The following SLC18A1 variants were observed in gnomAD, a reference collection of about 807,000 sequenced individuals.
SLC18A1 encodes chromaffin granule amine transporter.
A neutral mutation model predicts 53.7 loss-of-function variants in SLC18A1; 69 were observed. That is an observed-to-expected ratio of 1.28 (90% CI 1.06 to 1.57). SLC18A1 has a LOEUF of 1.57. Ranked by LOEUF, SLC18A1 falls within the 40% of genes most tolerant of loss-of-function variation. SLC18A1 has a pLI of 0.00. For synonymous variants in SLC18A1, 320 were observed against 248.1 expected, an observed-to-expected ratio of 1.29 and a Z score of -2.72; for missense variants, 932 against 668.1, an observed-to-expected ratio of 1.40 and a Z score of -4.35.
chr8:20,180,377 A>T (rs1158359950), intron 2 of SLC18A1, among the ~76,000 whole-genome samples: 1 of 152,240 alleles, frequency 6.6e-6, no homozygotes, highest in East Asian at 1.9e-4. Context: ...ATCAACTAAA[A>T]AAAGCAGGAT....
chr8:20,145,470 C>A lies in SLC18A1; in HGVS notation c.*293G>T. ...TACCACCTCTATGCAATGAGTCACC[C>A]CTTGCAGAACCCGTCACAGCTCAAG... On this transcript the variant is annotated 3_prime_UTR_variant, in exon 16 of 16. Transcript: ENST00000276373. The A allele has an allele frequency of 4.0e-6, 1 of 248,092 alleles. No homozygotes were observed. 15.4% of individuals were successfully genotyped at this position (248,092 alleles called of 1,614,324 possible). A position where few individuals can be genotyped will look rare whatever the true frequency, so the allele number is the denominator to read the frequency against.
chr8:20,172,044 C>G (rs1450929475), intron 6 of SLC18A1, among the ~76,000 whole-genome samples: 1 of 152,216 alleles, frequency 6.6e-6, no homozygotes, highest in African/African-American at 2.4e-5. Flanking sequence ...GCCTTGCGGC[C>G]TATGGAGAAA....
At chr8:20,160,535 T>C (rs184857277) in intron 10 of SLC18A1, among the ~76,000 whole-genome samples, 1 of 152,188 alleles carries the variant, frequency 6.6e-6, no homozygotes, top group African/African-American at 2.4e-5. Context: ...ACTATCAAAA[T>C]GGTTTAAAGT....
intron 10 of SLC18A1, among the ~76,000 whole-genome samples, chr8:20,163,896 G>A (rs1314505375): frequency 6.6e-6 from 1 of 152,146 alleles, no homozygotes; most frequent in Non-Finnish European, 1.5e-5. Context: ...GCTGCTCTGT[G>A]TTGTAGCTGC....
intron 10 of SLC18A1, among the ~76,000 whole-genome samples, chr8:20,164,149 G>A (rs1211205282): frequency 1.3e-5 from 2 of 152,162 alleles, no homozygotes; most frequent in South Asian, 4.2e-4. Context: ...CTCTGGCCCC[G>A]TAAGCCTCTC....
At chr8:20,154,600 A>G (rs1294209567) in intron 10 of SLC18A1, among the ~76,000 whole-genome samples, 1 of 152,360 alleles carries the variant, frequency 6.6e-6, no homozygotes, top group African/African-American at 2.4e-5. Context: ...CACAGAAAAC[A>G]TCTGGGTCTC....
intron 8 of SLC18A1, among the ~76,000 whole-genome samples, chr8:20,167,485 C>T (rs922443069): frequency 6.6e-5 from 10 of 152,036 alleles, no homozygotes; most frequent in Admixed American, 2.0e-4. Context: ...GGAAAAATCC[C>T]GTGGAGTTGG....
intron 12 of SLC18A1, 149 bp from the exon 13 acceptor site, chr8:20,148,219 AAAG>A: frequency 1.4e-6 from 1 of 735,530 alleles, no homozygotes; most frequent in Non-Finnish European, 2.3e-6. Flanking sequence ...TTCTCATGGA[AAAG>A]AATCTATACC....
Position 20,174,380 on chromosome 8 carries a change from A to G in SLC18A1, c.612T>C (p.Ser204=). 6.2e-7 allele frequency: 1 copy of G among 1,613,872 alleles called. No homozygotes were observed. The change falls in exon 5 of 16, where the codon TCT becomes TCC. Residue 204 remains serine, a synonymous_variant. Transcript: ENST00000276373. ...TGTTACCTGCAACAGATGAAAATGA[A>G]GATCCAATGCCTTGAAGGGTTCGGG... is the stretch of plus-strand genomic sequence containing the variant. The part of the protein sequence containing the change: ...FVARTLQGIG[S]SFSSVAGLGM...
At position 20,178,456 on chromosome 8, in the gene SLC18A1, TAAC is replaced by T; in HGVS notation, c.523_525del (p.Val175del). 7 of 1,607,248 alleles carry T rather than the reference TAAC, an allele frequency of 4.4e-6. No individual in the cohort carries two copies. The highest frequency in any genetic ancestry group is 5.9e-6 in the Non-Finnish European group (7 of 1,177,278). On this transcript the variant is annotated inframe_deletion, in exon 4 of 16. Coordinates refer to ENST00000276373, the MANE Select transcript of SLC18A1 (RefSeq NM_003053.4). ...TTACTAACTGTGGAGAGAAACATGA[TAAC>T]AAAGCCAGCAAACATGGGGATATGA... is the stretch of plus-strand genomic sequence containing the variant.
At chr8:20,145,976 C>A in intron 15 of SLC18A1, 100 bp from the exon 16 acceptor site, 1 of 572,210 alleles carries the variant, frequency 1.7e-6, no homozygotes, top group Non-Finnish European at 2.9e-6. Flanking sequence ...AGTGCAGTGG[C>A]GCAATCTCGG....
intron 4 of SLC18A1, 78 bp downstream of exon 4, chr8:20,178,357 C>G: frequency 8.6e-7 from 1 of 1,162,446 alleles, no homozygotes; most frequent in Non-Finnish European, 1.3e-6. Flanking sequence ...CTAGGTTACC[C>G]TGCTATCTAC....
chr8:20,169,571 T>C (rs1389648491), intron 8 of SLC18A1, among the ~76,000 whole-genome samples: 1 of 152,192 alleles, frequency 6.6e-6, no homozygotes, highest in Non-Finnish European at 1.5e-5. Context: ...AATAATAATG[T>C]ATATTTGTTA....
chr8:20,177,576 C>A (rs957185159), intron 4 of SLC18A1, among the ~76,000 whole-genome samples: 3 of 152,126 alleles, frequency 2.0e-5, no homozygotes, highest in Non-Finnish European at 4.4e-5. Context: ...CAACATGGCA[C>A]ATGTATACAT....
chr8:20,146,721 T>G (rs535288437), intron 15 of SLC18A1, among the ~76,000 whole-genome samples: 2 of 151,540 alleles, frequency 1.3e-5, no homozygotes, highest in South Asian at 4.2e-4. Context: ...CTACTTGGGA[T>G]GCCAAGGCAG....
chr8:20,180,143 T>TGTGTGTGTGTGTG (rs56062914), intron 2 of SLC18A1, among the ~76,000 whole-genome samples: 12 of 151,726 alleles, frequency 7.9e-5, no homozygotes, highest in African/African-American at 2.4e-4. Flanking sequence ...TGTGTGTGTG[T>TGTGTGTGTGTGTG]TTCCCTGGGA....
intron 15 of SLC18A1, 36 bp from the exon 16 acceptor site, chr8:20,145,912 T>A: frequency 1.5e-6 from 2 of 1,294,948 alleles, no homozygotes; most frequent in Non-Finnish European, 2.2e-6. Flanking sequence ...CCACTGCACA[T>A]TATTATCATT....
intron 5 of SLC18A1, among the ~76,000 whole-genome samples, chr8:20,173,498 A>C (rs1225653150): frequency 6.6e-6 from 1 of 152,200 alleles, no homozygotes; most frequent in Non-Finnish European, 1.5e-5. Context: ...AGACCATTCT[A>C]TTTAACAGGG....
At chr8:20,147,890 C>A in intron 13 of SLC18A1, 117 bp downstream of exon 13, 1 of 1,428,810 alleles carries the variant, frequency 7.0e-7, no homozygotes, top group Non-Finnish European at 9.6e-7. Flanking sequence ...TGCCAGCTGC[C>A]CTCCTGATCC....
Sources: gnomAD v4.1 joint callset for allele counts (sites outside exome capture counted in the v4.1 genomes callset) on GRCh38, gnomAD v4.1.1 for gene constraint, MANE v1.5 for transcripts, NCBI Gene and HGNC (gene_info 2026-07-23, HGNC 2026-07-21) for gene names.